The following OPALIN variants were observed in gnomAD, a reference collection of about 807,000 sequenced individuals.
The protein encoded by OPALIN is oligodendrocytic myelin paranodal and inner loop protein.
OPALIN carries 15 observed loss-of-function variants against 17.8 expected under a neutral mutation model. The ratio of observed to expected loss-of-function variants is 0.84; its 90% CI spans 0.56 to 1.29. The LOEUF is 1.29. OPALIN is among the 50% of genes most tolerant of loss of function. The pLI, the probability that OPALIN is intolerant of heterozygous loss-of-function variation, is 0.00. For synonymous variants in OPALIN, 62 were observed against 63.8 expected, an observed-to-expected ratio of 0.97 and a Z score of 0.14; for missense variants, 170 against 176.0, an observed-to-expected ratio of 0.97 and a Z score of 0.19.
At chr10:96,347,574 C>A (rs552059379) in intron 5 of OPALIN, among the ~76,000 whole-genome samples, 2 of 151,814 alleles carry the variant, frequency 1.3e-5, no homozygotes, top group Admixed American at 6.6e-5. Flanking sequence ...CAGGTTCAAG[C>A]GATTCTCTTC....
At position 96,345,315 on chromosome 10, in the gene OPALIN, G is replaced by A. The variant is rs1422819392; in HGVS notation, c.*626C>T. ...CTCCTTTAAAAAAGCAAAAACTGAG[G>A]CTTGAAAATGTTAAACAACTTCTCC... is the stretch of plus-strand genomic sequence containing the variant. On this transcript the variant is annotated 3_prime_UTR_variant, in exon 6 of 6. Coordinates refer to ENST00000371172, the MANE Select transcript of OPALIN (RefSeq NM_033207.5). 6.6e-6 allele frequency: 1 copy of A among 152,090 alleles called. No individual in the cohort carries two copies. Among genetic ancestry groups the A allele is most frequent in the Non-Finnish European group, 1.5e-5 (1 of 68,004 alleles). The allele number at this position is 152,090 out of a possible 1,614,324, so 9.4% of individuals were successfully genotyped here.
chr10:96,347,073 T>TCTTTCTTC (rs938555059), intron 5 of OPALIN, among the ~76,000 whole-genome samples: 2 of 152,036 alleles, frequency 1.3e-5, no homozygotes, highest in African/African-American at 4.8e-5. Flanking sequence ...TTTCTTTCTT[T>TCTTTCTTC]CTTTCTTCCT....
At chr10:96,355,096 CAAAAAAAAAAAAAAAAAAAAAA>C (rs56995726) in intron 2 of OPALIN, among the ~76,000 whole-genome samples, 137 bp downstream of exon 2, 41 of 45,204 alleles carry the variant, frequency 9.1e-4, no homozygotes, top group African/African-American at 2.1e-3. Flanking sequence ...GACCTTGTCT[CAAAAAAAAAAAAAAAAAAAAAA>C]AAAAAAAAAA....
intron 1 of OPALIN, among the ~76,000 whole-genome samples, chr10:96,358,599 T>C (rs1251045368): frequency 6.6e-6 from 1 of 152,178 alleles, no homozygotes; most frequent in Non-Finnish European, 1.5e-5. Flanking sequence ...ATTAAACAAG[T>C]AAGACAGATA....
chr10:96,349,616 C>T lies in OPALIN; in HGVS notation c.192+91G>A, dbSNP rs78804827. The T allele has an allele frequency of 1.8e-3, 2,557 of 1,395,872 alleles. 28 individuals carry two copies. The African/African-American group carries it at 0.025, about 14-fold the overall frequency. 86.5% of individuals were successfully genotyped at this position (1,395,872 alleles called of 1,614,324 possible). ...CTTGTCCTCAGGAAATAGACATGGG[C>T]CCTGAATTCTGACACCCTTAGTCCA... is the stretch of plus-strand genomic sequence containing the variant. On this transcript the variant is annotated intron_variant, in intron 4 of 5. Coordinates refer to ENST00000371172, the MANE Select transcript of OPALIN (RefSeq NM_033207.5).
At chr10:96,353,447 C>A (rs1278759749) in intron 2 of OPALIN, 4 of 1,612,916 alleles carry the variant, frequency 2.5e-6, no homozygotes, top group South Asian at 1.1e-5. Context: ...GATGACCTAC[C>A]ATCCGCATTG....
intron 1 of OPALIN, among the ~76,000 whole-genome samples, chr10:96,355,515 C>A (rs1197467117): frequency 6.6e-6 from 1 of 152,162 alleles, no homozygotes; most frequent in Non-Finnish European, 1.5e-5. Flanking sequence ...CCACCGCCCC[C>A]AACCAGGTCC....
In OPALIN at chr10:96,357,719, G is replaced by A. The variant is rs181567577; in HGVS notation, c.3+1175C>T. 3.3e-5 allele frequency among the ~76,000 whole-genome samples: 5 copies of A among 152,296 alleles called. No individual in the cohort carries two copies. In the East Asian group the frequency reaches 7.7e-4, roughly 23 times the overall value. ...ACACCCTCTGTGTTTTAGGGATCAC[G>A]TGGTAGCATATTCTTTATGGCCTGG... On this transcript the variant is annotated intron_variant, in intron 1 of 5. Transcript: ENST00000371172.
chr10:96,351,486 A>C (rs1330584713), intron 2 of OPALIN, 76 bp from the exon 3 acceptor site: 3 of 863,162 alleles, frequency 3.5e-6, no homozygotes, highest in African/African-American at 3.5e-5. Context: ...CAATCTGCCA[A>C]AGTTTAGGCT....
chr10:96,351,169 G>C lies in OPALIN; in HGVS notation c.72+209C>G, dbSNP rs78429631. Among the ~76,000 whole-genome samples the C allele has an allele frequency of 6.2e-4, 95 of 152,204 alleles. 1 individual carries two copies. The highest frequency in any genetic ancestry group is 2.2e-3 in the African/African-American group (92 of 41,532). ...ATAAGATATGCACTCTTTGTGTCTG[G>C]CTTCTTTTGCTCAACCCTTTGTGAA... On this transcript the variant is annotated intron_variant, in intron 3 of 5. Transcript: ENST00000371172.
Position 96,349,768 on chromosome 10 carries a change from A to G in OPALIN, c.131T>C (p.Leu44Pro). ...CAAAGTAAATAGTAAAGCCACCAGCAGGGCTGTGGCCACCAGCAATGGTAT... is the reference window on the plus strand; with the variant it reads ...CAAAGTAAATAGTAAAGCCACCAGCGGGGCTGTGGCCACCAGCAATGGTAT... ...AGIPLLVATALLVALLFTLIH... is the reference protein window; with the variant it reads ...AGIPLLVATAPLVALLFTLIH... The change falls in exon 4 of 6, where the codon CTG becomes CCG. Residue 44 changes from leucine (L) to proline (P), a missense_variant. By Grantham distance (98) the Leu-to-Pro change is moderately conservative (BLOSUM62 -3). Transcript: ENST00000371172. 1 of 1,613,844 alleles carries G rather than the reference A, an allele frequency of 6.2e-7. No individual in the cohort carries two copies. The highest frequency in any genetic ancestry group is 1.7e-5 in the Admixed American group (1 of 60,008).
chr10:96,354,915 G>A (rs1439001565), intron 2 of OPALIN, among the ~76,000 whole-genome samples: 1 of 151,666 alleles, frequency 6.6e-6, no homozygotes, highest in Admixed American at 6.6e-5. Flanking sequence ...GGCCAACATG[G>A]CAAAACCCTG....
At chr10:96,348,260 A>G in intron 5 of OPALIN, 29 bp downstream of exon 5, 4 of 1,179,380 alleles carry the variant, frequency 3.4e-6, no homozygotes, top group Non-Finnish European at 5.0e-6. Flanking sequence ...TGTGAATGGT[A>G]TATAGAGAGT....
intron 1 of OPALIN, 142 bp downstream of exon 1, chr10:96,358,752 T>A (rs964548701): frequency 1.1e-6 from 1 of 922,614 alleles, no homozygotes; most frequent in Non-Finnish European, 1.7e-6. Context: ...GTGAGAAGTT[T>A]AAAAAATTAT....
chr10:96,356,561 C>G (rs1460505864), intron 1 of OPALIN, among the ~76,000 whole-genome samples: 2 of 152,110 alleles, frequency 1.3e-5, no homozygotes, highest in African/African-American at 4.8e-5. Context: ...AACCCCAACC[C>G]GAAAGATGGT....
chr10:96,345,772 T>C lies in OPALIN; in HGVS notation c.*169A>G, dbSNP rs568961090. On this transcript the variant is annotated 3_prime_UTR_variant, in exon 6 of 6. Transcript: ENST00000371172. Reference sequence around the variant, plus strand: ...AAGATCTGAGAGTTGGAATTAACCATGTTGGGGATGTCCCCTAAAGAGACA... The same window carrying C: ...AAGATCTGAGAGTTGGAATTAACCACGTTGGGGATGTCCCCTAAAGAGACA... The C allele has an allele frequency of 1.7e-5, 10 of 602,776 alleles. No individual in the cohort carries two copies. The South Asian group carries it at 1.8e-4, about 11-fold the overall frequency. The allele number at this position is 602,776 out of a possible 1,614,324, so 37.3% of individuals were successfully genotyped here.
intron 5 of OPALIN, among the ~76,000 whole-genome samples, chr10:96,347,516 G>A (rs549391245): frequency 2.5e-4 from 38 of 151,078 alleles, no homozygotes; most frequent in African/African-American, 3.9e-4. Flanking sequence ...CTTGTCACCC[G>A]GCTGGAGTGC....
intron 2 of OPALIN, 82 bp downstream of exon 2, chr10:96,355,173 T>C (rs1036309415): frequency 1.8e-6 from 2 of 1,098,484 alleles, no homozygotes; most frequent in Non-Finnish European, 1.4e-6. Context: ...TGTGAGGGGT[T>C]TATGTGAGTT....
At chr10:96,348,483 G>A (rs1845434310) in intron 4 of OPALIN, 138 bp from the exon 5 acceptor site, 5 of 508,670 alleles carry the variant, frequency 9.8e-6, no homozygotes, top group Non-Finnish European at 1.4e-5. Flanking sequence ...AAGCACAGAG[G>A]CATCTAATAA....
Sources: allele counts gnomAD v4.1 joint callset (sites outside exome capture counted in the v4.1 genomes callset), GRCh38; gene constraint gnomAD v4.1.1; transcripts MANE v1.5; gene names NCBI Gene and HGNC (gene_info 2026-07-23, HGNC 2026-07-21).